Variants in DEFB118 observed in about 807,000 individuals in gnomAD.
DEFB118 encodes the protein defensin, beta 18.
DEFB118 carries 3 observed loss-of-function variants against 2.8 expected under a neutral mutation model. The ratio of observed to expected loss-of-function variants is 1.09; its 90% confidence interval spans 0.50 to 2.82. The LOEUF is 2.82. Among genes scored for constraint, DEFB118 ranks in the 30% most tolerant of loss-of-function variants. The pLI, the probability that DEFB118 is intolerant of heterozygous loss-of-function variation, is 0.04. For missense variants in DEFB118, 159 were observed against 144.6 expected (o/e 1.10, Z -0.51); for synonymous variants, 63 against 53.5 (o/e 1.18, Z -0.78).
Position 31,373,187 on chromosome 20 carries a change from A to G in DEFB118, c.*17A>G. 1 of 1,607,092 alleles carries G rather than the reference A, an allele frequency of 6.2e-7. No individual in the cohort carries two copies. The highest frequency in any genetic ancestry group is 8.5e-7 in the Non-Finnish European group (1 of 1,176,542). On this transcript the variant is annotated 3_prime_UTR_variant, in exon 2 of 2. Transcript: ENST00000253381. ...AGCTCATGACTTCCTCTCGGCTATC[A>G]CTCACCCCTGTCCTCAGAGTGATAA...
rs1986244046 is a variant in DEFB118 at position 31,373,081 on chromosome 20, G to A, written c.283G>A (p.Glu95Lys). ...LTVRFTTDYF[E>K]VSSKKDMVEE... ...AGTAAGGTTCACGACAGACTACTTT[G>A]AAGTAAGCAGCAAGAAAGATATGGT... The change falls in exon 2 of 2, where the codon GAA becomes AAA. Residue 95 changes from glutamate (E) to lysine (K), a missense_variant. Physicochemically the swap from Glu to Lys is moderately conservative, Grantham distance 56. Coordinates refer to ENST00000253381, the MANE Select transcript of DEFB118 (RefSeq NM_054112.3). 4 of 1,614,154 alleles carry A rather than the reference G, an allele frequency of 2.5e-6. No individual in the cohort carries two copies. Among genetic ancestry groups the A allele is most frequent in the Non-Finnish European group, 3.4e-6 (4 of 1,180,038 alleles).
Position 31,369,099 on chromosome 20 carries a change from T to A in DEFB118, c.58+391T>A, listed in dbSNP as rs1448312238. On this transcript the variant is annotated intron_variant, in intron 1 of 1. Coordinates refer to ENST00000253381, the MANE Select transcript of DEFB118 (RefSeq NM_054112.3). ...TGTTTTCTAATATTCTAGAATTTGG[T>A]GAACAAGTCAGAAAACACTGGTAGA... 2.0e-5 allele frequency among the ~76,000 whole-genome samples: 3 copies of A among 152,176 alleles called. No homozygotes were observed. In the East Asian group the frequency reaches 5.8e-4, roughly 29 times the overall value.
chr20:31,372,166 T>C (rs143835403), intron 1 of DEFB118, among the ~76,000 whole-genome samples: 132 of 152,312 alleles, frequency 8.7e-4, no homozygotes, highest in Non-Finnish European at 1.6e-3. Flanking sequence ...TACACAGATA[T>C]ATTTTATATA....
intron 1 of DEFB118, among the ~76,000 whole-genome samples, chr20:31,369,285 C>T (rs918569142): frequency 2.6e-5 from 4 of 151,654 alleles, no homozygotes; most frequent in South Asian, 2.1e-4. Context: ...TTTCAAGGTG[C>T]ATTTCAATGT....
Position 31,373,219 on chromosome 20 carries a change from T to C in DEFB118, c.*49T>C. 6.5e-7 allele frequency: 1 copy of C among 1,550,378 alleles called. No individual in the cohort carries two copies. Among genetic ancestry groups the C allele is most frequent in the South Asian group, 1.2e-5 (1 of 84,514 alleles). On this transcript the variant is annotated 3_prime_UTR_variant, in exon 2 of 2. Transcript: ENST00000253381. Reference sequence around the variant, plus strand: ...CCTGTCCTCAGAGTGATAAACTAAGTCACATACAGATAAAGCACTGAAAAC... The same window carrying C: ...CCTGTCCTCAGAGTGATAAACTAAGCCACATACAGATAAAGCACTGAAAAC...
At chr20:31,370,956 G>A (rs1356454443) in intron 1 of DEFB118, among the ~76,000 whole-genome samples, 1 of 152,034 alleles carries the variant, frequency 6.6e-6, no homozygotes, top group Non-Finnish European at 1.5e-5. Context: ...TCAGCACATT[G>A]GCCAGGCTAG....
chr20:31,373,317 A>G lies in DEFB118; in HGVS notation c.*147A>G. ...GAAACAGCTGTGTAAAGAAGTCTAA[A>G]ATTTTCACTATTTCCAATGATAAAC... On this transcript the variant is annotated 3_prime_UTR_variant, in exon 2 of 2. Coordinates refer to ENST00000253381, the MANE Select transcript of DEFB118 (RefSeq NM_054112.3). 1 of 671,594 alleles carries G rather than the reference A, an allele frequency of 1.5e-6. No individual in the cohort carries two copies. The highest frequency in any genetic ancestry group is 2.2e-5 in the South Asian group (1 of 46,262). 41.6% of individuals were successfully genotyped at this position (671,594 alleles called of 1,614,324 possible). A position where few individuals can be genotyped will look rare whatever the true frequency, so the allele number is the denominator to read the frequency against.
At chr20:31,369,890 C>T (rs1328764871) in intron 1 of DEFB118, among the ~76,000 whole-genome samples, 1 of 151,910 alleles carries the variant, frequency 6.6e-6, no homozygotes, top group Non-Finnish European at 1.5e-5. Flanking sequence ...AATATATTTA[C>T]ATATATGGAT....
At position 31,368,655 on chromosome 20, in the gene DEFB118, A is replaced by AACTC. The variant is rs1226369284; in HGVS notation, c.6_9dup (p.Leu4ThrfsTer20). 6.2e-7 allele frequency: 1 copy of AACTC among 1,613,638 alleles called. No individual in the cohort carries two copies. The highest frequency in any genetic ancestry group is 8.5e-7 in the Non-Finnish European group (1 of 1,179,772). ...ACCTCCTGCTTCCCAAGGACCATGAAACTCCTGCTGCTGGCTCTTCCTATG... is the reference window on the plus strand; with the variant it reads ...ACCTCCTGCTTCCCAAGGACCATGAAACTCACTCCTGCTGCTGGCTCTTCCTATG... On this transcript the variant is annotated frameshift_variant, in exon 1 of 2. Transcript: ENST00000253381. LOFTEE classifies it high-confidence loss of function.
chr20:31,368,725 G>C lies in DEFB118; in HGVS notation c.58+17G>C. 6.2e-7 allele frequency: 1 copy of C among 1,612,018 alleles called. No individual in the cohort carries two copies. Among genetic ancestry groups the C allele is most frequent in the Non-Finnish European group, 8.5e-7 (1 of 1,178,416 alleles). Reference sequence around the variant, plus strand: ...TGATCCCAGGTAATCAGAGGTCAGGGAAGATACAAAAATAGAGGTATAGTG... The same window carrying C: ...TGATCCCAGGTAATCAGAGGTCAGGCAAGATACAAAAATAGAGGTATAGTG... On this transcript the variant is annotated intron_variant, in intron 1 of 1. Transcript: ENST00000253381.
Position 31,368,631 on chromosome 20 carries a change from C to A in DEFB118, c.-20C>A, listed in dbSNP as rs1986156761. The stretch of plus-strand genomic sequence containing the variant: ...GTATTCTGAACTCCTGGATCTACCA[C>A]CTCCTGCTTCCCAAGGACCATGAAA... On this transcript the variant is annotated 5_prime_UTR_variant, in exon 1 of 2. Transcript: ENST00000253381. 6.2e-7 allele frequency: 1 copy of A among 1,613,354 alleles called. No individual in the cohort carries two copies. Among genetic ancestry groups the A allele is most frequent in the Non-Finnish European group, 8.5e-7 (1 of 1,179,396 alleles).
chr20:31,369,987 T>C (rs1006000463), intron 1 of DEFB118, among the ~76,000 whole-genome samples: 1 of 152,144 alleles, frequency 6.6e-6, no homozygotes, highest in South Asian at 2.1e-4. Context: ...ATTAAAAATA[T>C]ATATTTGTTC....
At chr20:31,372,596 C>G (rs560009862) in intron 1 of DEFB118, among the ~76,000 whole-genome samples, 1 of 152,146 alleles carries the variant, frequency 6.6e-6, no homozygotes, top group Non-Finnish European at 1.5e-5. Context: ...TCACAGGGTA[C>G]AGGTAGCTTC....
intron 1 of DEFB118, among the ~76,000 whole-genome samples, chr20:31,369,385 GTTTTTTTTTT>G (rs71185357): frequency 1.9e-5 from 2 of 103,916 alleles, no homozygotes; most frequent in African/African-American, 3.8e-5. Context: ...GCACTCTTGT[GTTTTTTTTTT>G]TTTTTTTTTT....
rs1358758020 is a variant in DEFB118, at chr20:31,373,123, G to C, written c.325G>C (p.Gly109Arg). The C allele has an allele frequency of 2.5e-6, 4 of 1,613,950 alleles. No individual in the cohort carries two copies. The highest frequency in any genetic ancestry group is 3.4e-6 in the Non-Finnish European group (4 of 1,180,034). Residue 109 changes from glycine to arginine, a missense_variant, in exon 2 of 2, where the codon GGA (glycine) becomes CGA (arginine). Coordinates refer to ENST00000253381, the MANE Select transcript of DEFB118 (RefSeq NM_054112.3). ...AGATATGGTTGAAGAGTCTGAGGCG[G>C]GAAGGGGAACTGAGACCTCTCTTCC... ...KKDMVEESEA[G>R]RGTETSLPNV...
In DEFB118 at chr20:31,373,815, T is replaced by C. The variant is rs1986257481; in HGVS notation, c.*645T>C. The C allele has an allele frequency of 6.7e-6, 1 of 148,870 alleles. No individual in the cohort carries two copies. Among genetic ancestry groups the C allele is most frequent in the African/African-American group, 2.5e-5 (1 of 40,020 alleles). 9.2% of individuals were successfully genotyped at this position (148,870 alleles called of 1,614,324 possible). On this transcript the variant is annotated 3_prime_UTR_variant, in exon 2 of 2. Transcript: ENST00000253381. ...TTGATCACACATGGACATCCAAGGG[T>C]AATCATGGACCCCCAATTGTGGGTG... is the stretch of plus-strand genomic sequence containing the variant.
intron 1 of DEFB118, among the ~76,000 whole-genome samples, chr20:31,372,454 C>A (rs1374684919): frequency 6.6e-6 from 1 of 152,078 alleles, no homozygotes; most frequent in African/African-American, 2.4e-5. Flanking sequence ...GAGGCTGAGG[C>A]AAGAGAATCG....
At chr20:31,370,082 G>T (rs781460829) in intron 1 of DEFB118, among the ~76,000 whole-genome samples, 2 of 151,982 alleles carry the variant, frequency 1.3e-5, no homozygotes, top group Non-Finnish European at 2.9e-5. Flanking sequence ...CGTTCTGAAC[G>T]CCTGGGTCTA....
intron 1 of DEFB118, 104 bp downstream of exon 1, chr20:31,368,812 T>C (rs2122267357): frequency 9.2e-7 from 1 of 1,084,708 alleles, no homozygotes; most frequent in Non-Finnish European, 1.4e-6. Context: ...AGCTCCACAG[T>C]TCCCACACTG....
Sources: allele counts gnomAD v4.1 joint callset (sites outside exome capture counted in the v4.1 genomes callset), GRCh38; gene constraint gnomAD v4.1.1; transcripts MANE v1.5; gene names NCBI Gene and HGNC (gene_info 2026-07-23, HGNC 2026-07-21).